The following SDK2 variants were observed in gnomAD, a reference collection of about 807,000 sequenced individuals.
SDK2 encodes the protein sidekick cell adhesion molecule 2.
Under a neutral mutation model 253.9 loss-of-function variants are expected in SDK2, and 105 were observed. The observed-to-expected ratio is 0.41, with a 90% CI of 0.35 to 0.49. SDK2 has a LOEUF of 0.49. SDK2 is among the 20% of genes least tolerant of loss of function. SDK2 has a pLI of 0.06. For missense variants in SDK2, 2,608 were observed against 3,003.0 expected (o/e 0.87, Z 3.07); for synonymous variants, 1,249 against 1,234.9 (o/e 1.01, Z -0.24).
At chr17:73,521,717 C>T (rs921340675) in intron 1 of SDK2, among the ~76,000 whole-genome samples, 13 of 152,048 alleles carry the variant, frequency 8.5e-5, no homozygotes, top group South Asian at 2.1e-4. Flanking sequence ...GAGTTGGGGG[C>T]GGGGGTGAGC....
At chr17:73,505,634 CTCATCA>C (rs550141412) in intron 2 of SDK2, among the ~76,000 whole-genome samples, 2 of 144,732 alleles carry the variant, frequency 1.4e-5, no homozygotes, top group African/African-American at 5.6e-5. Flanking sequence ...ATAGCTGGAC[CTCATCA>C]TCATCATCAT....
intron 39 of SDK2, 96 bp from the exon 40 acceptor site, chr17:73,358,300 C>G (rs1475112089): frequency 4.1e-6 from 6 of 1,479,236 alleles, no homozygotes; most frequent in Non-Finnish European, 5.4e-6. Flanking sequence ...GGTGACAAAA[C>G]CAACCCTGGA....
intron 2 of SDK2, among the ~76,000 whole-genome samples, chr17:73,492,158 C>G (rs923367722): frequency 6.9e-4 from 105 of 152,232 alleles, no homozygotes; most frequent in African/African-American, 2.4e-3. Context: ...CCCACCAAGC[C>G]CAGCCCAAGC....
rs1051392365 is a variant in SDK2, at chr17:73,395,680, G to C, written c.3355-288C>G. Among the ~76,000 whole-genome samples the C allele has an allele frequency of 6.6e-6, 1 of 152,194 alleles. No homozygotes were observed. Among genetic ancestry groups the C allele is most frequent in the African/African-American group, 2.4e-5 (1 of 41,436 alleles). On this transcript the variant is annotated intron_variant, in intron 24 of 44. Transcript: ENST00000392650. The surrounding 1 kb of genome is among the most constrained non-coding windows in gnomAD (Gnocchi z 4.3). ...GCCAAGGGAGTCAGGAGCCACAAAG[G>C]CTGTGTGTCTGACACACCGATAGCA... is the stretch of plus-strand genomic sequence containing the variant.
At chr17:73,559,719 C>T (rs1346123745) in intron 1 of SDK2, among the ~76,000 whole-genome samples, 1 of 151,884 alleles carries the variant, frequency 6.6e-6, no homozygotes, top group East Asian at 1.9e-4. Context: ...AAGGTTGGCC[C>T]CTCCCCCTTT....
intron 5 of SDK2, among the ~76,000 whole-genome samples, chr17:73,446,049 G>A (rs555105731): frequency 2.9e-4 from 44 of 152,274 alleles, no homozygotes; most frequent in African/African-American, 1.0e-3. Context: ...GGAGCTGGAT[G>A]CCGGAGAAGG....
In SDK2 at chr17:73,620,967, C is replaced by T. The variant is rs542240939; in HGVS notation, c.64+23058G>A. Among the ~76,000 whole-genome samples, 31 of 152,278 alleles carry T rather than the reference C, an allele frequency of 2.0e-4. 1 individual carries two copies. Among genetic ancestry groups the T allele is most frequent in the South Asian group, 4.1e-4 (2 of 4,820 alleles). On this transcript the variant is annotated intron_variant, in intron 1 of 44. Transcript: ENST00000392650. Reference sequence around the variant, plus strand: ...TGCACAATATTGTGAATGTACTCAACGCTACTGAATTATTCATTTTATAAT... The same window carrying T: ...TGCACAATATTGTGAATGTACTCAATGCTACTGAATTATTCATTTTATAAT...
At chr17:73,523,198 G>A (rs2064096951) in intron 1 of SDK2, among the ~76,000 whole-genome samples, 2 of 152,050 alleles carry the variant, frequency 1.3e-5, no homozygotes, top group African/African-American at 4.8e-5. Context: ...GTCACCTGCT[G>A]TCCCCTTCCA....
chr17:73,387,634 G>C (rs752406542), intron 30 of SDK2, among the ~76,000 whole-genome samples: 16 of 152,206 alleles, frequency 1.1e-4, no homozygotes, highest in Admixed American at 6.5e-4. Context: ...GAGTTCCAGA[G>C]GGAACAGAGT....
chr17:73,442,701 G>T (rs999503128), intron 5 of SDK2, among the ~76,000 whole-genome samples: 4 of 152,032 alleles, frequency 2.6e-5, no homozygotes, highest in Non-Finnish European at 5.9e-5. Flanking sequence ...CTGGCACACA[G>T]TAAGTGCTCA....
Position 73,379,270 on chromosome 17 carries a change from G to GT in SDK2, c.4886dup (p.Asn1629LysfsTer54). ...TGGCCGTGGCGCCGTGGACGACCAC[G>GT]TTACGAGGTGCTGCTGTGGGCACTG... On this transcript the variant is annotated frameshift_variant, in exon 36 of 45. Coordinates refer to ENST00000392650, the MANE Select transcript of SDK2 (RefSeq NM_001144952.2). LOFTEE classifies it high-confidence loss of function. The surrounding 1 kb of genome is among the most constrained non-coding windows in gnomAD (Gnocchi z 4.5). 1 of 1,552,526 alleles carries GT rather than the reference G, an allele frequency of 6.4e-7. No homozygotes were observed. Among genetic ancestry groups the GT allele is most frequent in the Non-Finnish European group, 8.7e-7 (1 of 1,147,466 alleles).
At chr17:73,527,046 G>A (rs2064131696) in intron 1 of SDK2, among the ~76,000 whole-genome samples, 1 of 152,222 alleles carries the variant, frequency 6.6e-6, no homozygotes, top group African/African-American at 2.4e-5. Flanking sequence ...GATGACTAAC[G>A]GTGTGAGGCA....
Position 73,502,543 on chromosome 17 carries a change from G to A in SDK2, c.224+4895C>T, listed in dbSNP as rs117187489. Among the ~76,000 whole-genome samples the A allele has an allele frequency of 3.5e-3, 538 of 152,334 alleles. 2 individuals carry two copies. The highest frequency in any genetic ancestry group is 6.2e-3 in the Non-Finnish European group (419 of 68,028). ...CCACTGGCCAAATTTAGGTTAAGATGAGTATGGAAATGAACAATGTCATGC... is the reference window on the plus strand; with the variant it reads ...CCACTGGCCAAATTTAGGTTAAGATAAGTATGGAAATGAACAATGTCATGC... On this transcript the variant is annotated intron_variant, in intron 2 of 44. Transcript: ENST00000392650.
chr17:73,367,806 T>G (rs1421868068), intron 37 of SDK2, among the ~76,000 whole-genome samples: 1 of 152,180 alleles, frequency 6.6e-6, no homozygotes, highest in African/African-American at 2.4e-5. Context: ...GCCTGGCCCC[T>G]GCCGGCCTCT....
chr17:73,387,779 C>T (rs1238432512), intron 30 of SDK2, 57 bp downstream of exon 30: 16 of 1,454,876 alleles, frequency 1.1e-5, no homozygotes, highest in Admixed American at 1.0e-4. Context: ...GGAGGAGCAC[C>T]GCTGGTCCCG....
intron 1 of SDK2, among the ~76,000 whole-genome samples, chr17:73,574,820 G>C (rs1479837385): frequency 6.6e-6 from 1 of 152,204 alleles, no homozygotes. Flanking sequence ...AACCAAGAGG[G>C]TGAGTCTTGA....
chr17:73,579,819 A>C (rs578040303), intron 1 of SDK2, among the ~76,000 whole-genome samples: 1 of 152,118 alleles, frequency 6.6e-6, no homozygotes, highest in African/African-American at 2.4e-5. Context: ...TCTACTAAAA[A>C]CACAAAAATT....
intron 36 of SDK2, among the ~76,000 whole-genome samples, chr17:73,376,663 CT>C (rs2062784047): frequency 1.3e-5 from 2 of 151,972 alleles, no homozygotes; most frequent in African/African-American, 4.8e-5. Context: ...TTTCCTGGGT[CT>C]GTCTATTAAC....
At chr17:73,374,328 CCAAACA>C (rs149770189) in intron 36 of SDK2, among the ~76,000 whole-genome samples, 4,023 of 144,790 alleles carry the variant, frequency 0.028, 367 homozygotes, top group East Asian at 0.093. Context: ...ACGTCTCAAA[CCAAACA>C]CATCTGGAAC....
Sources: gnomAD v4.1 joint callset for allele counts (sites outside exome capture counted in the v4.1 genomes callset) on GRCh38, gnomAD v4.1.1 for gene constraint, Gnocchi (gnomAD v3.1) non-coding constraint, MANE v1.5 for transcripts, NCBI Gene and HGNC (gene_info 2026-07-23, HGNC 2026-07-21) for gene names.